DNAH11: variants seen among roughly 807,000 people sequenced by gnomAD.
The protein encoded by DNAH11 is axonemal beta dynein heavy chain 11.
Under a neutral mutation model 526.0 loss-of-function variants are expected in DNAH11, and 442 were observed. The ratio of observed to expected loss-of-function variants is 0.84; its 90% CI spans 0.78 to 0.91. The LOEUF (loss-of-function observed/expected upper bound fraction) is 0.91, where lower values mean the gene tolerates loss of function less well. Ranked by LOEUF, DNAH11 falls within the 40% of genes least tolerant of loss-of-function variation. The pLI, the probability that DNAH11 is intolerant of heterozygous loss-of-function variation, is 0.00. For synonymous variants in DNAH11, 2,461 were observed against 1,935.9 expected, an observed-to-expected ratio of 1.27 and a Z score of -7.12; for missense variants, 6,989 against 5,448.7, an observed-to-expected ratio of 1.28 and a Z score of -8.90.
chr7:21,740,072 T>A (rs773861643), intron 48 of DNAH11, among the ~76,000 whole-genome samples: 1 of 152,176 alleles, frequency 6.6e-6, no homozygotes, highest in Non-Finnish European at 1.5e-5. Context: ...GACAGACATA[T>A]AATGACAAGT....
rs17144747 is a variant in DNAH11, at chr7:21,599,954, A to G, written c.2835A>G (p.Gln945=). ...EKQLKPAPFF[Q]AQMILLPPEI... ...AATTGAAACCGGCACCGTTTTTTCAAGCACAAATGATCTTGTTGCCTCCTG... is the reference window on the plus strand; with the variant it reads ...AATTGAAACCGGCACCGTTTTTTCAGGCACAAATGATCTTGTTGCCTCCTG... Residue 945 remains glutamine (Q), a synonymous_variant, in exon 15 of 82, where the codon CAA becomes CAG. Coordinates refer to ENST00000409508, the MANE Select transcript of DNAH11 (RefSeq NM_001277115.2). 78,836 of 1,613,536 alleles carry G rather than the reference A, an allele frequency of 0.049. 2,471 individuals carry two copies. Among genetic ancestry groups the G allele is most frequent in the African/African-American group, 0.14 (10,681 of 74,960 alleles).
At chr7:21,764,340 C>T (rs1381808924) in intron 54 of DNAH11, among the ~76,000 whole-genome samples, 1 of 151,964 alleles carries the variant, frequency 6.6e-6, no homozygotes, top group Non-Finnish European at 1.5e-5. Flanking sequence ...TTTTTAAATG[C>T]TATAGGTAAA....
intron 42 of DNAH11, among the ~76,000 whole-genome samples, chr7:21,713,967 C>T (rs1043762480): frequency 2.6e-5 from 4 of 152,210 alleles, no homozygotes; most frequent in Non-Finnish European, 5.9e-5. Context: ...GCAGCCCTGA[C>T]TCCCTCTGTA....
At chr7:21,566,767 T>C (rs1783686269) in intron 6 of DNAH11, among the ~76,000 whole-genome samples, 1 of 152,172 alleles carries the variant, frequency 6.6e-6, no homozygotes, top group Non-Finnish European at 1.5e-5. Flanking sequence ...AATTGTAAAA[T>C]ATTCTCATTG....
In DNAH11 at chr7:21,868,861, C is replaced by T. The variant is rs757371660; in HGVS notation, c.11840-3C>T. 21 of 1,613,830 alleles carry T rather than the reference C, an allele frequency of 1.3e-5. No homozygotes were observed. In the Admixed American group the frequency reaches 2.2e-4, roughly 17 times the overall value. ...CCTCTCACCGTGGTGTATTCTCCCA[C>T]AGGCAAAAGACTTGGCTTTACAATT... On this transcript the variant is annotated splice_region_variant and splice_polypyrimidine_tract_variant and intron_variant, in intron 72 of 81. Coordinates refer to ENST00000409508, the MANE Select transcript of DNAH11 (RefSeq NM_001277115.2).
rs567231246 is a variant in DNAH11, at chr7:21,739,948, A to G, written c.7914+275A>G. The stretch of plus-strand genomic sequence containing the variant: ...ATGCCCCCACTTGTTTTACCCTATT[A>G]TTAACATCTTGCATTAGTTACAATG... On this transcript the variant is annotated intron_variant, in intron 48 of 81. Transcript: ENST00000409508. 4.3e-4 allele frequency among the ~76,000 whole-genome samples: 66 copies of G among 152,284 alleles called. 1 individual carries two copies. The highest frequency in any genetic ancestry group is 1.7e-3 in the Admixed American group (26 of 15,290).
At chr7:21,745,705 T>C (rs1021833139) in intron 51 of DNAH11, among the ~76,000 whole-genome samples, 24 of 152,138 alleles carry the variant, frequency 1.6e-4, no homozygotes, top group Admixed American at 1.3e-4. Flanking sequence ...CATGAACAAC[T>C]AAACAAGAGA....
At chr7:21,825,572 A>G (rs1489955421) in intron 65 of DNAH11, among the ~76,000 whole-genome samples, 1 of 151,338 alleles carries the variant, frequency 6.6e-6, no homozygotes, top group Non-Finnish European at 1.5e-5. Flanking sequence ...TCCCACATTT[A>G]ATACTATTAG....
At chr7:21,726,427 T>C (rs867995667) in intron 45 of DNAH11, among the ~76,000 whole-genome samples, 3 of 152,032 alleles carry the variant, frequency 2.0e-5, no homozygotes, top group Admixed American at 6.6e-5. Flanking sequence ...ATCACCGATA[T>C]TCAAGTGAAG....
chr7:21,651,177 T>C (rs934590109), intron 28 of DNAH11, among the ~76,000 whole-genome samples: 14 of 152,144 alleles, frequency 9.2e-5, no homozygotes, highest in Non-Finnish European at 1.8e-4. Context: ...GAATGAGTCC[T>C]GAGGTGCTCA....
At chr7:21,605,470 G>A (rs1785244152) in intron 18 of DNAH11, among the ~76,000 whole-genome samples, 1 of 152,216 alleles carries the variant, frequency 6.6e-6, no homozygotes, top group African/African-American at 2.4e-5. Flanking sequence ...AGGGAGAGCA[G>A]AGTTGAGTTG....
At chr7:21,734,530 T>A (rs937108597) in intron 45 of DNAH11, among the ~76,000 whole-genome samples, 4 of 152,192 alleles carry the variant, frequency 2.6e-5, no homozygotes, top group Non-Finnish European at 5.9e-5. Flanking sequence ...GAGTAAATGT[T>A]CAGACATGAA....
chr7:21,798,835 G>A (rs1788834630), intron 61 of DNAH11, among the ~76,000 whole-genome samples: 1 of 152,166 alleles, frequency 6.6e-6, no homozygotes, highest in East Asian at 1.9e-4. Context: ...AAATCTAAAT[G>A]TCATTTTTAA....
At chr7:21,590,864 A>C (rs1321715811) in intron 12 of DNAH11, 54 bp from the exon 13 acceptor site, 2 of 1,095,618 alleles carry the variant, frequency 1.8e-6, no homozygotes, top group Non-Finnish European at 2.5e-6. Context: ...CTTGAGTTAA[A>C]ATAGAATGAC....
intron 15 of DNAH11, 122 bp downstream of exon 15, chr7:21,600,241 C>A: frequency 1.2e-6 from 1 of 846,412 alleles, no homozygotes; most frequent in Non-Finnish European, 1.7e-6. Context: ...AAGAGGATTG[C>A]TTGGGCCCAA....
At chr7:21,879,444 A>AAAAAAAC (rs929821795) in intron 74 of DNAH11, among the ~76,000 whole-genome samples, 1 of 151,972 alleles carries the variant, frequency 6.6e-6, no homozygotes, top group Non-Finnish European at 1.5e-5. Context: ...ACTCCATCTC[A>AAAAAAAC]AAAAAACAAA....
At chr7:21,555,985 T>C (rs1390232043) in intron 2 of DNAH11, among the ~76,000 whole-genome samples, 4 of 152,170 alleles carry the variant, frequency 2.6e-5, no homozygotes, top group Non-Finnish European at 4.4e-5. Context: ...TCTTGCAAGA[T>C]TGGGTGTCTG....
At chr7:21,545,183 C>G (rs577017190) in intron 2 of DNAH11, 34 bp downstream of exon 2, 3 of 1,505,480 alleles carry the variant, frequency 2.0e-6, no homozygotes, top group Admixed American at 4.0e-5. Context: ...AAAGCTTTCA[C>G]TTATCTCCAT....
In DNAH11 at chr7:21,749,726, A is replaced by G. The variant is rs764062064; in HGVS notation, c.8722A>G (p.Thr2908Ala). 5 of 1,613,966 alleles carry G rather than the reference A, an allele frequency of 3.1e-6. No homozygotes were observed. The South Asian group carries it at 5.5e-5, about 18-fold the overall frequency. The stretch of plus-strand genomic sequence containing the variant: ...CCGAACTGGAGCCAAGAACATGCCC[A>G]CTGTGTTCCTGCTGACAGATGCCCA... ...YIRTGAKNMP[T>A]VFLLTDAQVL... The change falls in exon 53 of 82, where the codon ACT (threonine) becomes GCT (alanine). Residue 2908 changes from threonine to alanine, a missense_variant. Physicochemically the swap from Thr to Ala is moderately conservative, Grantham distance 58 (BLOSUM62 0). Coordinates refer to ENST00000409508, the MANE Select transcript of DNAH11 (RefSeq NM_001277115.2).
Sources: allele counts gnomAD v4.1 joint callset (sites outside exome capture counted in the v4.1 genomes callset), GRCh38; gene constraint gnomAD v4.1.1; transcripts MANE v1.5; gene names NCBI Gene and HGNC (gene_info 2026-07-23, HGNC 2026-07-21).